CAPN2: variants seen among roughly 807,000 people sequenced by gnomAD.
CAPN2 encodes calpain-2 catalytic subunit.
CAPN2 carries 92 observed loss-of-function variants against 102.3 expected under a neutral mutation model. The ratio of observed to expected loss-of-function variants is 0.90; its 90% confidence interval spans 0.76 to 1.07. CAPN2 has a LOEUF of 1.07. Ranked by LOEUF, CAPN2 falls within the 50% of genes least tolerant of loss-of-function variation. CAPN2 has a pLI of 0.00. For missense variants in CAPN2, 800 were observed against 909.4 expected (o/e 0.88, Z 1.55); for synonymous variants, 340 against 355.4 (o/e 0.96, Z 0.49).
rs776737667 is a variant in CAPN2 at position 223,752,825 on chromosome 1, A to C, written c.1004A>C (p.Tyr335Ser). Residue 335 changes from tyrosine (Y) to serine (S), a missense_variant, in exon 9 of 21, where the codon TAT becomes TCT. Transcript: ENST00000295006. Reference protein sequence around the residue: ...WMSFSDFLRHYSRLEICNLTP... With the variant: ...WMSFSDFLRHSSRLEICNLTP... ...TCTTTCAGTGACTTCCTGAGGCACT[A>C]TTCCCGCCTGGAGATCTGTAACCTG... The C allele has an allele frequency of 1.9e-5, 30 of 1,614,112 alleles. 1 individual carries two copies. The South Asian group carries it at 3.0e-4, about 16-fold the overall frequency.
At chr1:223,730,247 T>C (rs1413873629) in intron 2 of CAPN2, among the ~76,000 whole-genome samples, 1 of 152,122 alleles carries the variant, frequency 6.6e-6, no homozygotes, top group Non-Finnish European at 1.5e-5. Context: ...AAGGTGATTC[T>C]CTACATCAAG....
intron 2 of CAPN2, among the ~76,000 whole-genome samples, chr1:223,737,264 T>A (rs917311658): frequency 3.3e-5 from 5 of 152,154 alleles, no homozygotes; most frequent in Admixed American, 6.5e-5. Flanking sequence ...TTGAGTGTCT[T>A]CCAGGACAGA....
rs1310976492 is a variant in CAPN2 at position 223,727,968 on chromosome 1, G to A, written c.307+10137G>A. Among the ~76,000 whole-genome samples the A allele has an allele frequency of 6.6e-6, 1 of 152,156 alleles. No homozygotes were observed. The highest frequency in any genetic ancestry group is 1.5e-5 in the Non-Finnish European group (1 of 68,026). ...CTTGGGAACTGCAGAGCAGCTGGGT[G>A]GCCTGACACTGGCATTTCTCAGTGT... is the stretch of plus-strand genomic sequence containing the variant. On this transcript the variant is annotated intron_variant, in intron 2 of 20. Transcript: ENST00000295006. This position sits in a 1 kb window ranked among gnomAD's most constrained non-coding sequence, Gnocchi z 4.1.
rs1660970981 is a variant in CAPN2 at position 223,754,098 on chromosome 1, A to G, written c.1135+1142A>G. The stretch of plus-strand genomic sequence containing the variant: ...GCTGAAGGCCACAGAGCGTGCTGGG[A>G]TTTGAACCCAGGCCCCCTGACTGAG... On this transcript the variant is annotated intron_variant, in intron 9 of 20. Transcript: ENST00000295006. This position sits in a 1 kb window ranked among gnomAD's most constrained non-coding sequence, Gnocchi z 4.7. 1.3e-5 allele frequency among the ~76,000 whole-genome samples: 2 copies of G among 152,326 alleles called. No individual in the cohort carries two copies. Among genetic ancestry groups the G allele is most frequent in the Admixed American group, 1.3e-4 (2 of 15,306 alleles).
intron 2 of CAPN2, among the ~76,000 whole-genome samples, chr1:223,743,418 G>A (rs1403995227): frequency 1.3e-5 from 2 of 152,110 alleles, no homozygotes; most frequent in Admixed American, 1.3e-4. Flanking sequence ...CTCCTAGGAG[G>A]CGTGCAACGT....
At position 223,751,002 on chromosome 1, in the gene CAPN2, C is replaced by A. The variant is rs769940019; in HGVS notation, c.899+27C>A. 8.5e-6 allele frequency: 13 copies of A among 1,536,516 alleles called. No homozygotes were observed. In the South Asian group the frequency reaches 1.6e-4, roughly 18 times the overall value. ...TGAGGAGGGCGCAGGCCTCGGGGCC[C>A]CAGGCGGGGGTGCATTGTGCTGGGA... On this transcript the variant is annotated intron_variant, in intron 7 of 20. Transcript: ENST00000295006.
upstream of CAPN2, among the ~76,000 whole-genome samples, chr1:223,708,079 T>C (rs1558377138): frequency 6.6e-6 from 1 of 152,212 alleles, no homozygotes; most frequent in East Asian, 1.9e-4. Context: ...TGTTTTCAAT[T>C]GTGATGGCTT....
At chr1:223,737,718 G>GTT (rs1558066520) in intron 2 of CAPN2, among the ~76,000 whole-genome samples, 1 of 77,370 alleles carries the variant, frequency 1.3e-5, no homozygotes, top group African/African-American at 4.6e-5. Flanking sequence ...GGGGGGTGGG[G>GTT]GGGAGAGAAT....
intron 2 of CAPN2, among the ~76,000 whole-genome samples, chr1:223,729,116 C>G (rs1171392540): frequency 6.6e-6 from 1 of 152,174 alleles, no homozygotes; most frequent in Non-Finnish European, 1.5e-5. Context: ...GAGTCTGGCT[C>G]AGGATGCCTA....
At chr1:223,710,696 C>T (rs1405439430), upstream of CAPN2, among the ~76,000 whole-genome samples, 1 of 152,180 alleles carries the variant, frequency 6.6e-6, no homozygotes, top group African/African-American at 2.4e-5. Flanking sequence ...TCTCCACAAC[C>T]TCTTATCGCA....
At chr1:223,772,521 A>G (rs1182405956) in intron 20 of CAPN2, 1 of 398,102 alleles carries the variant, frequency 2.5e-6, no homozygotes, top group Admixed American at 4.0e-5. Context: ...CTGCAGGATC[A>G]TGCTTAGAAA....
At chr1:223,704,297 A>C (rs1659553099) in intron 1 of CAPN2, among the ~76,000 whole-genome samples, 1 of 152,152 alleles carries the variant, frequency 6.6e-6, no homozygotes, top group Non-Finnish European at 1.5e-5. Context: ...TCTCAAAACA[A>C]CACCAAAAAA....
At chr1:223,732,813 A>G (rs1660367122) in intron 2 of CAPN2, among the ~76,000 whole-genome samples, 2 of 152,078 alleles carry the variant, frequency 1.3e-5, no homozygotes, top group African/African-American at 4.8e-5. Context: ...TTATAATGAC[A>G]TGGTAAAGTT....
At chr1:223,742,306 C>G (rs764037444) in intron 2 of CAPN2, among the ~76,000 whole-genome samples, 47 of 151,832 alleles carry the variant, frequency 3.1e-4, no homozygotes, top group Non-Finnish European at 4.6e-4. Context: ...GCAGGAGAAT[C>G]ACTTGAACCC....
intron 14 of CAPN2, 48 bp downstream of exon 14, chr1:223,762,299 A>C (rs1262563426): frequency 7.0e-7 from 1 of 1,432,652 alleles, no homozygotes; most frequent in Non-Finnish European, 9.8e-7. Context: ...GATGCAAAGG[A>C]AGAGACAGTG....
At chr1:223,771,306 G>A (rs1661463848) in intron 18 of CAPN2, 1 of 154,170 alleles carries the variant, frequency 6.5e-6, no homozygotes, top group Non-Finnish European at 1.4e-5. Flanking sequence ...CATCCCACCA[G>A]CCAGACTCTG....
intron 16 of CAPN2, among the ~76,000 whole-genome samples, chr1:223,768,401 C>G (rs1431434860): frequency 1.3e-5 from 2 of 149,934 alleles, no homozygotes; most frequent in Admixed American, 1.3e-4. Flanking sequence ...TTTCAGCTTT[C>G]TACATATGGC....
At chr1:223,732,779 C>T (rs1368735134) in intron 2 of CAPN2, among the ~76,000 whole-genome samples, 1 of 152,126 alleles carries the variant, frequency 6.6e-6, no homozygotes, top group Non-Finnish European at 1.5e-5. Flanking sequence ...TGGTGATTTT[C>T]TTCTACAGGT....
intron 12 of CAPN2, among the ~76,000 whole-genome samples, chr1:223,760,173 C>G (rs1661151136): frequency 6.6e-6 from 1 of 152,190 alleles, no homozygotes; most frequent in Non-Finnish European, 1.5e-5. Flanking sequence ...ATTGGAGACT[C>G]CAGAACTGAT....
Sources: allele counts gnomAD v4.1 joint callset (sites outside exome capture counted in the v4.1 genomes callset), GRCh38; gene constraint gnomAD v4.1.1; non-coding constraint Gnocchi (gnomAD v3.1); transcripts MANE v1.5; gene names NCBI Gene and HGNC (gene_info 2026-07-23, HGNC 2026-07-21).